Variants in UPF2 observed in about 807,000 individuals in gnomAD.
The protein encoded by UPF2 is regulator of nonsense transcripts 2.
Under a neutral mutation model 141.4 loss-of-function variants are expected in UPF2, and 17 were observed. That is an observed-to-expected ratio of 0.12 (90% CI 0.08 to 0.18). The LOEUF (loss-of-function observed/expected upper bound fraction) is 0.18. UPF2 is among the 10% of genes least tolerant of loss of function. The pLI, the probability that UPF2 is intolerant of heterozygous loss-of-function variation, is 1.00. For synonymous variants in UPF2, 540 were observed against 498.0 expected (o/e 1.08, Z -1.12); for missense variants, 1,152 against 1,515.9 (o/e 0.76, Z 3.99).
At chr10:11,932,449 C>T (rs1022129200) in intron 19 of UPF2, among the ~76,000 whole-genome samples, 6 of 151,970 alleles carry the variant, frequency 3.9e-5, no homozygotes, top group African/African-American at 1.5e-4. Context: ...ACAATTTCTT[C>T]GTTTAGATCT....
At chr10:12,005,736 T>A (rs1199835522) in intron 4 of UPF2, among the ~76,000 whole-genome samples, 1 of 152,128 alleles carries the variant, frequency 6.6e-6, no homozygotes, top group Non-Finnish European at 1.5e-5. Flanking sequence ...ACTTGGCTAC[T>A]TTTTTGTTAT....
At chr10:11,971,108 T>G (rs979333402) in intron 9 of UPF2, among the ~76,000 whole-genome samples, 1 of 152,078 alleles carries the variant, frequency 6.6e-6, no homozygotes, top group African/African-American at 2.4e-5. Context: ...AAAGATAAAA[T>G]TATACAACAT....
At chr10:11,999,180 C>T (rs1231790332) in intron 7 of UPF2, among the ~76,000 whole-genome samples, 1 of 151,916 alleles carries the variant, frequency 6.6e-6, no homozygotes, top group African/African-American at 2.4e-5. Flanking sequence ...AGTAGCTCTA[C>T]CCACCATCAC....
At chr10:11,993,444 C>A (rs908975324) in intron 8 of UPF2, among the ~76,000 whole-genome samples, 1 of 151,840 alleles carries the variant, frequency 6.6e-6, no homozygotes, top group Admixed American at 6.6e-5. Flanking sequence ...GAAAATAGAT[C>A]TGAATCATTA....
At chr10:11,981,188 TAAA>T (rs1833587122) in intron 8 of UPF2, among the ~76,000 whole-genome samples, 2 of 151,872 alleles carry the variant, frequency 1.3e-5, no homozygotes, top group African/African-American at 2.4e-5. Flanking sequence ...AAAATTGAAA[TAAA>T]GAAGAAAGGT....
intron 9 of UPF2, among the ~76,000 whole-genome samples, chr10:11,975,217 T>C (rs898620294): frequency 6.6e-6 from 1 of 152,148 alleles, no homozygotes; most frequent in Non-Finnish European, 1.5e-5. Flanking sequence ...GCTATGATCA[T>C]GCCACTGCAC....
intron 3 of UPF2, among the ~76,000 whole-genome samples, chr10:12,024,959 A>C (rs1834392589): frequency 2.8e-5 from 4 of 142,982 alleles, no homozygotes; most frequent in Admixed American, 7.0e-5. Context: ...AAAAAAAAAC[A>C]CAGCTACTGG....
chr10:11,928,965 A>G (rs1315040858), intron 21 of UPF2, among the ~76,000 whole-genome samples: 2 of 152,156 alleles, frequency 1.3e-5, no homozygotes, highest in Non-Finnish European at 2.9e-5. Context: ...CCTGGCCAAC[A>G]TGGTGAAACC....
chr10:11,951,882 G>A (rs1313382397), intron 15 of UPF2, among the ~76,000 whole-genome samples, 184 bp downstream of exon 15: 13 of 151,854 alleles, frequency 8.6e-5, no homozygotes, highest in Admixed American at 2.0e-4. Flanking sequence ...GTTGTCCTCC[G>A]GTTTGAAATT....
At chr10:11,986,207 A>G (rs11812586) in intron 8 of UPF2, among the ~76,000 whole-genome samples, 331 of 152,232 alleles carry the variant, frequency 2.2e-3, no homozygotes, top group African/African-American at 7.6e-3. Flanking sequence ...TGAAAACGGA[A>G]TTCTATAATC....
intron 14 of UPF2, among the ~76,000 whole-genome samples, chr10:11,952,721 G>A (rs1050469603): frequency 5.9e-5 from 9 of 151,988 alleles, no homozygotes; most frequent in South Asian, 2.1e-4. Flanking sequence ...TGATCCGCCC[G>A]CCTTGGCCTC....
chr10:12,029,608 G>GA, intron 2 of UPF2, 84 bp from the exon 3 acceptor site: 3 of 1,394,442 alleles, frequency 2.2e-6, no homozygotes, highest in Non-Finnish European at 2.9e-6. Context: ...AAAAGCCAAT[G>GA]AAAAAAATTA....
intron 8 of UPF2, among the ~76,000 whole-genome samples, chr10:11,995,060 T>G (rs1833844504): frequency 6.8e-6 from 1 of 147,004 alleles, no homozygotes; most frequent in Admixed American, 6.9e-5. Context: ...AATCGGAATA[T>G]GATGTGCCTA....
chr10:12,037,247 G>A (rs906060537), intron 1 of UPF2, among the ~76,000 whole-genome samples: 1 of 151,926 alleles, frequency 6.6e-6, no homozygotes, highest in African/African-American at 2.4e-5. Flanking sequence ...ACCACATCCA[G>A]GTAATTGTAT....
Position 11,959,063 on chromosome 10 carries a change from T to G in UPF2, c.2370+108A>C. 2 of 1,057,530 alleles carry G rather than the reference T, an allele frequency of 1.9e-6. No individual in the cohort carries two copies. The highest frequency in any genetic ancestry group is 5.3e-5 in the East Asian group (2 of 37,466). 65.5% of individuals were successfully genotyped at this position (1,057,530 alleles called of 1,614,324 possible). ...CTTAGGGTGACTTACACAGAGCTGA[T>G]TATAAAGGAACTTGAGCTCTACCCC... On this transcript the variant is annotated intron_variant, in intron 12 of 21. Coordinates refer to ENST00000357604, the MANE Select transcript of UPF2 (RefSeq NM_015542.4). This position sits in a 1 kb window ranked among gnomAD's most constrained non-coding sequence, Gnocchi z 5.9.
intron 6 of UPF2, among the ~76,000 whole-genome samples, chr10:12,000,436 G>A (rs1292781489): frequency 6.6e-6 from 1 of 152,108 alleles, no homozygotes; most frequent in Non-Finnish European, 1.5e-5. Flanking sequence ...CAGTAAGATA[G>A]GGTAAAGCCA....
intron 9 of UPF2, among the ~76,000 whole-genome samples, chr10:11,971,043 T>C (rs186895920): frequency 3.3e-5 from 5 of 152,164 alleles, no homozygotes; most frequent in Admixed American, 2.6e-4. Context: ...TATATTTACA[T>C]TAATTCTAAT....
chr10:11,926,945 A>G (rs550878333), intron 21 of UPF2, among the ~76,000 whole-genome samples: 1 of 152,282 alleles, frequency 6.6e-6, no homozygotes, highest in East Asian at 1.9e-4. Context: ...CACGTCGATG[A>G]CAGCACACAC....
intron 8 of UPF2, among the ~76,000 whole-genome samples, chr10:11,989,236 C>A (rs1397744372): frequency 3.3e-5 from 5 of 152,110 alleles, no homozygotes; most frequent in Non-Finnish European, 5.9e-5. Flanking sequence ...CCTGAAAAGA[C>A]TACACAGAAT....
Sources: allele counts gnomAD v4.1 joint callset (sites outside exome capture counted in the v4.1 genomes callset), GRCh38; gene constraint gnomAD v4.1.1; non-coding constraint Gnocchi (gnomAD v3.1); transcripts MANE v1.5; gene names NCBI Gene and HGNC (gene_info 2026-07-23, HGNC 2026-07-21).